Variants in GALNTL6 observed in about 807,000 individuals in gnomAD.
GALNTL6 encodes the protein polypeptide N-acetylgalactosaminyltransferase-like 6.
In GALNTL6, 46 loss-of-function variants were observed where a neutral mutation model predicts 73.7. That is an observed-to-expected ratio of 0.62 (90% CI 0.49 to 0.80). The LOEUF (loss-of-function observed/expected upper bound fraction) is 0.80, where lower values mean the gene tolerates loss of function less well. GALNTL6 is among the 30% of genes least tolerant of loss of function. GALNTL6 has a pLI of 0.00. For synonymous variants in GALNTL6, 259 were observed against 263.7 expected, an observed-to-expected ratio of 0.98 and a Z score of 0.17; for missense variants, 604 against 755.0, an observed-to-expected ratio of 0.80 and a Z score of 2.34.
intron 2 of GALNTL6, among the ~76,000 whole-genome samples, chr4:172,034,799 A>T (rs1351338726): frequency 2.0e-5 from 3 of 152,158 alleles, no homozygotes; most frequent in Admixed American, 2.0e-4. Flanking sequence ...TTTGGGGTAC[A>T]TTGCCTTAGG....
intron 5 of GALNTL6, among the ~76,000 whole-genome samples, chr4:172,492,850 G>A (rs1381535216): frequency 6.6e-6 from 1 of 152,064 alleles, no homozygotes; most frequent in African/African-American, 2.4e-5. Flanking sequence ...TCATGGTTGG[G>A]GAAGTACGTT....
intron 2 of GALNTL6, among the ~76,000 whole-genome samples, chr4:172,205,887 C>G (rs1736094480): frequency 6.6e-6 from 1 of 152,156 alleles, no homozygotes; most frequent in African/African-American, 2.4e-5. Flanking sequence ...AAGTTCTATG[C>G]CTTGTTGTTT....
At chr4:172,742,127 C>T (rs986532821) in intron 5 of GALNTL6, among the ~76,000 whole-genome samples, 5 of 151,974 alleles carry the variant, frequency 3.3e-5, no homozygotes, top group Non-Finnish European at 5.9e-5. Context: ...ACCACCCCAT[C>T]ACATGTTTCT....
chr4:172,687,740 C>T (rs1042146683), intron 5 of GALNTL6, among the ~76,000 whole-genome samples: 9 of 151,830 alleles, frequency 5.9e-5, no homozygotes, highest in Non-Finnish European at 8.8e-5. Flanking sequence ...GGGAAAAAGA[C>T]TTTAGCGCTT....
intron 2 of GALNTL6, among the ~76,000 whole-genome samples, chr4:171,936,230 C>T (rs1339685201): frequency 1.3e-5 from 2 of 152,034 alleles, no homozygotes; most frequent in African/African-American, 4.8e-5. Flanking sequence ...GAAGGCAAGC[C>T]AAGTACAATA....
At chr4:172,725,873 G>A (rs1013173622) in intron 5 of GALNTL6, among the ~76,000 whole-genome samples, 6 of 152,348 alleles carry the variant, frequency 3.9e-5, no homozygotes, top group Middle Eastern at 3.4e-3. Context: ...ATAGAAGTTA[G>A]AGGTTTATAG....
chr4:172,130,448 GA>G (rs1733457520), intron 2 of GALNTL6, among the ~76,000 whole-genome samples: 1 of 151,756 alleles, frequency 6.6e-6, no homozygotes, highest in East Asian at 1.9e-4. Context: ...ATTGATCACT[GA>G]AAAAAATTGT....
At chr4:172,817,467 A>G (rs760038886) in intron 7 of GALNTL6, among the ~76,000 whole-genome samples, 3 of 152,042 alleles carry the variant, frequency 2.0e-5, no homozygotes, top group Non-Finnish European at 4.4e-5. Context: ...ATTTTGGGTT[A>G]TTATTAAGGA....
intron 3 of GALNTL6, among the ~76,000 whole-genome samples, chr4:172,309,005 C>G (rs1561018948): frequency 6.6e-6 from 1 of 152,114 alleles, no homozygotes; most frequent in East Asian, 1.9e-4. Context: ...ATTTGTTTTC[C>G]ATTTACGTTG....
At chr4:172,632,052 G>T (rs527635302) in intron 5 of GALNTL6, among the ~76,000 whole-genome samples, 1 of 152,300 alleles carries the variant, frequency 6.6e-6, no homozygotes, top group South Asian at 2.1e-4. Flanking sequence ...ATGTGACTTT[G>T]TTCCTCTTTT....
At chr4:171,914,931 G>C (rs967373321) in intron 2 of GALNTL6, among the ~76,000 whole-genome samples, 5 of 151,698 alleles carry the variant, frequency 3.3e-5, no homozygotes, top group Admixed American at 1.3e-4. Flanking sequence ...ATCATTTTCA[G>C]TTATATTTAA....
chr4:172,146,511 A>G (rs915391707), intron 2 of GALNTL6, among the ~76,000 whole-genome samples: 27 of 152,332 alleles, frequency 1.8e-4, no homozygotes, highest in Non-Finnish European at 2.8e-4. Flanking sequence ...TGGGCTTTAC[A>G]CATCTACTAG....
intron 2 of GALNTL6, among the ~76,000 whole-genome samples, chr4:172,190,088 A>C (rs1735528827): frequency 6.6e-6 from 1 of 152,200 alleles, no homozygotes; most frequent in South Asian, 2.1e-4. Context: ...AGTATTTTTA[A>C]AAGAATACAA....
chr4:172,674,398 T>A (rs1732160807), intron 5 of GALNTL6, among the ~76,000 whole-genome samples: 1 of 152,164 alleles, frequency 6.6e-6, no homozygotes, highest in African/African-American at 2.4e-5. Context: ...CTTTATCACT[T>A]TTTCTTTCAT....
At chr4:172,565,190 C>A (rs1194313635) in intron 5 of GALNTL6, among the ~76,000 whole-genome samples, 1 of 152,190 alleles carries the variant, frequency 6.6e-6, no homozygotes, top group East Asian at 1.9e-4. Context: ...TCCCAAAAGG[C>A]CCCACCTCTT....
At chr4:172,828,930 G>A (rs560501404) in intron 7 of GALNTL6, among the ~76,000 whole-genome samples, 6 of 152,172 alleles carry the variant, frequency 3.9e-5, no homozygotes, top group Admixed American at 3.9e-4. Flanking sequence ...CAGTCCTGGA[G>A]GGCAAGAAGT....
chr4:172,103,112 C>T (rs889830829), intron 2 of GALNTL6, among the ~76,000 whole-genome samples: 4 of 152,156 alleles, frequency 2.6e-5, no homozygotes, highest in Non-Finnish European at 5.9e-5. Context: ...TGTTGCAACT[C>T]CTTCTAGAGA....
intron 5 of GALNTL6, among the ~76,000 whole-genome samples, chr4:172,420,713 G>A (rs369528243): frequency 6.6e-6 from 1 of 152,072 alleles, no homozygotes; most frequent in South Asian, 2.1e-4. Flanking sequence ...TTCAGGCAAT[G>A]TTGTAACATA....
intron 11 of GALNTL6, among the ~76,000 whole-genome samples, chr4:173,016,020 C>T (rs1294849042): frequency 6.6e-6 from 1 of 152,240 alleles, no homozygotes; most frequent in East Asian, 1.9e-4. Context: ...ACAGCTCAGG[C>T]CATTGATTCA....
Sources: allele counts gnomAD v4.1 joint callset (sites outside exome capture counted in the v4.1 genomes callset), GRCh38; gene constraint gnomAD v4.1.1; transcripts MANE v1.5; gene names NCBI Gene and HGNC (gene_info 2026-07-23, HGNC 2026-07-21).